ATF2: variants seen among roughly 807,000 people sequenced by gnomAD.
ATF2 encodes the protein activating transcription factor 2.
A neutral mutation model predicts 60.6 loss-of-function variants in ATF2; 24 were observed. The observed-to-expected ratio is 0.40, with a 90% CI of 0.29 to 0.56. ATF2 has a LOEUF of 0.56. Among genes scored for constraint, ATF2 ranks in the 20% least tolerant of loss-of-function variants. The pLI, the probability that ATF2 is intolerant of heterozygous loss-of-function variation, is 0.54. For missense variants in ATF2, 433 were observed against 607.7 expected (o/e 0.71, Z 3.02); for synonymous variants, 206 against 215.4 (o/e 0.96, Z 0.38).
At chr2:175,131,894 A>G (rs1204270139) in intron 3 of ATF2, among the ~76,000 whole-genome samples, 1 of 152,250 alleles carries the variant, frequency 6.6e-6, no homozygotes, top group Non-Finnish European at 1.5e-5. Flanking sequence ...ATATTAATTT[A>G]TGATTTAAAA....
Position 175,131,150 on chromosome 2 carries a change from T to C in ATF2, c.33-943A>G, listed in dbSNP as rs1420013415. Reference sequence around the variant, plus strand: ...AATTTGTGAAATGTGTTAACAAAAGTTTTATTGCTTTATCCAAAATATTTA... The same window carrying C: ...AATTTGTGAAATGTGTTAACAAAAGCTTTATTGCTTTATCCAAAATATTTA... On this transcript the variant is annotated intron_variant, in intron 3 of 13. Coordinates refer to ENST00000264110, the MANE Select transcript of ATF2 (RefSeq NM_001880.4). 2.0e-5 allele frequency among the ~76,000 whole-genome samples: 3 copies of C among 152,180 alleles called. No homozygotes were observed. The East Asian group carries it at 5.8e-4, about 29-fold the overall frequency.
chr2:175,115,759 CAAGT>C (rs1331627958), intron 7 of ATF2, among the ~76,000 whole-genome samples: 3 of 152,052 alleles, frequency 2.0e-5, no homozygotes, highest in Non-Finnish European at 4.4e-5. Flanking sequence ...ACAAGTAAAA[CAAGT>C]AAGAAAATTT....
At chr2:175,161,406 T>C (rs1700019616) in intron 1 of ATF2, among the ~76,000 whole-genome samples, 1 of 152,224 alleles carries the variant, frequency 6.6e-6, no homozygotes, top group Non-Finnish European at 1.5e-5. Context: ...TTCTTGACAC[T>C]GTATTAAGTA....
chr2:175,111,633 C>G lies in ATF2; in HGVS notation c.763G>C (p.Val255Leu), dbSNP rs1318700807. 1 of 1,613,598 alleles carries G rather than the reference C, an allele frequency of 6.2e-7. No individual in the cohort carries two copies. The highest frequency in any genetic ancestry group is 1.7e-5 in the Admixed American group (1 of 59,992). Residue 255 changes from valine (V) to leucine (L), a missense_variant, in exon 10 of 14, where the codon GTG (valine) becomes CTG (leucine). Transcript: ENST00000264110. ...AVPLVRPVTMVPSVPGIPGPS... is the reference protein window; with the variant it reads ...AVPLVRPVTMLPSVPGIPGPS... Reference sequence around the variant, plus strand: ...CCTGGGATTCCTGGAACACTAGGCACCATGGTGACTGGTCGAACGAGCTAT... The same window carrying G: ...CCTGGGATTCCTGGAACACTAGGCAGCATGGTGACTGGTCGAACGAGCTAT...
chr2:175,116,970 C>CA (rs1283959310), intron 7 of ATF2, among the ~76,000 whole-genome samples: 1 of 151,792 alleles, frequency 6.6e-6, no homozygotes, highest in Non-Finnish European at 1.5e-5. Context: ...TCTCTAATGA[C>CA]ATGGGAAAAT....
chr2:175,076,629 T>C lies in ATF2; in HGVS notation c.1292-1794A>G, dbSNP rs558144153. On this transcript the variant is annotated intron_variant, in intron 13 of 13. Coordinates refer to ENST00000264110, the MANE Select transcript of ATF2 (RefSeq NM_001880.4). ...AATATTTATAATTCAGTTATTAAAATAGCCAATATAATCATTACATAATCA... is the reference window on the plus strand; with the variant it reads ...AATATTTATAATTCAGTTATTAAAACAGCCAATATAATCATTACATAATCA... 1.2e-4 allele frequency among the ~76,000 whole-genome samples: 18 copies of C among 152,156 alleles called. No individual in the cohort carries two copies. In the East Asian group the frequency reaches 2.9e-3, roughly 24 times the overall value.
At position 175,074,470 on chromosome 2, in the gene ATF2, C is replaced by T. The variant is rs1693143108; in HGVS notation, c.*139G>A. ...GTCTGATCAACTGCTGCTACACCAA[C>T]TTTAGAGCCAAATTTAATTTCAAGT... On this transcript the variant is annotated 3_prime_UTR_variant, in exon 14 of 14. Coordinates refer to ENST00000264110, the MANE Select transcript of ATF2 (RefSeq NM_001880.4). 1 of 1,146,984 alleles carries T rather than the reference C, an allele frequency of 8.7e-7. No individual in the cohort carries two copies. The highest frequency in any genetic ancestry group is 1.2e-6 in the Non-Finnish European group (1 of 834,018). The allele number at this position is 1,146,984 out of a possible 1,614,324, so 71.1% of individuals were successfully genotyped here. A position where few individuals can be genotyped will look rare whatever the true frequency, so the allele number is the denominator to read the frequency against.
At chr2:175,094,776 C>T (rs1694807454) in intron 11 of ATF2, among the ~76,000 whole-genome samples, 1 of 152,000 alleles carries the variant, frequency 6.6e-6, no homozygotes, top group Non-Finnish European at 1.5e-5. Context: ...CTCATCTCTA[C>T]AAATAATTTA....
rs59581481 is a variant in ATF2, at chr2:175,128,264, G to A, written c.102+1874C>T. On this transcript the variant is annotated intron_variant, in intron 4 of 13. Transcript: ENST00000264110. Reference sequence around the variant, plus strand: ...GCCTATCATCTCAGCACTTTGGGAGGCCGAGGCAGGCGGATCACCTGAGAT... The same window carrying A: ...GCCTATCATCTCAGCACTTTGGGAGACCGAGGCAGGCGGATCACCTGAGAT... 3.4e-3 allele frequency among the ~76,000 whole-genome samples: 519 copies of A among 152,308 alleles called. 4 individuals are homozygous for A. Among genetic ancestry groups the A allele is most frequent in the African/African-American group, 0.012 (489 of 41,572 alleles).
intron 4 of ATF2, among the ~76,000 whole-genome samples, chr2:175,123,476 A>C (rs958165132): frequency 6.6e-6 from 1 of 152,080 alleles, no homozygotes; most frequent in Non-Finnish European, 1.5e-5. Flanking sequence ...ATTAATAGAT[A>C]AGAAGTTGGA....
rs538831375 is a variant in ATF2, at chr2:175,156,394, A to C, written c.-142-5236T>G. On this transcript the variant is annotated intron_variant, in intron 1 of 13. Transcript: ENST00000264110. ...TCAAAAAACAAAAAAAAAAAAAAAA[A>C]AAAAAAAAAGGACTACAGATCCAAA... Among the ~76,000 whole-genome samples the C allele has an allele frequency of 2.2e-3, 326 of 150,116 alleles. 1 individual carries two copies. In the East Asian group the frequency reaches 0.025, roughly 12 times the overall value.
At chr2:175,091,011 T>A (rs745536817) in intron 12 of ATF2, among the ~76,000 whole-genome samples, 1 of 152,080 alleles carries the variant, frequency 6.6e-6, no homozygotes, top group African/African-American at 2.4e-5. Flanking sequence ...AACAGCAATA[T>A]CTCATTAAAA....
chr2:175,098,863 T>C (rs1052258863), intron 10 of ATF2, among the ~76,000 whole-genome samples: 3 of 152,128 alleles, frequency 2.0e-5, no homozygotes, highest in Non-Finnish European at 4.4e-5. Flanking sequence ...CTGTCTATCA[T>C]ATGTGATCCA....
chr2:175,143,045 G>A (rs1248457711), intron 2 of ATF2, among the ~76,000 whole-genome samples: 1 of 152,046 alleles, frequency 6.6e-6, no homozygotes, highest in Non-Finnish European at 1.5e-5. Context: ...GCGTTCAGAA[G>A]GAGATCACTT....
At chr2:175,157,946 C>G (rs566339265) in intron 1 of ATF2, among the ~76,000 whole-genome samples, 1 of 151,660 alleles carries the variant, frequency 6.6e-6, no homozygotes, top group Non-Finnish European at 1.5e-5. Flanking sequence ...GAGCCGAGAT[C>G]GCGCTACTGC....
chr2:175,109,992 T>A (rs899537377), intron 10 of ATF2, among the ~76,000 whole-genome samples: 1 of 152,220 alleles, frequency 6.6e-6, no homozygotes, highest in Non-Finnish European at 1.5e-5. Context: ...TAAAACAGGG[T>A]GTCCTGTGCA....
At chr2:175,121,366 T>C in intron 5 of ATF2, 78 bp downstream of exon 5, 1 of 923,876 alleles carries the variant, frequency 1.1e-6, no homozygotes, top group East Asian at 2.8e-5. Flanking sequence ...GACTATATTA[T>C]TTACAGAGAA....
At chr2:175,151,227 G>C (rs1699292591) in intron 1 of ATF2, 69 bp from the exon 2 acceptor site, 4 of 152,106 alleles carry the variant, frequency 2.6e-5, no homozygotes, top group Non-Finnish European at 1.5e-5. Context: ...ATAGCCTCTT[G>C]TATTTCAATT....
intron 4 of ATF2, among the ~76,000 whole-genome samples, chr2:175,125,229 AT>A (rs902931032): frequency 2.0e-5 from 3 of 152,082 alleles, no homozygotes; most frequent in Admixed American, 2.0e-4. Context: ...AGCAGTCACC[AT>A]CAAAATGATG....
Sources: allele counts gnomAD v4.1 joint callset (sites outside exome capture counted in the v4.1 genomes callset), GRCh38; gene constraint gnomAD v4.1.1; transcripts MANE v1.5; gene names NCBI Gene and HGNC (gene_info 2026-07-23, HGNC 2026-07-21).